SLC30A9: variants seen among roughly 807,000 people sequenced by gnomAD.
The protein encoded by SLC30A9 is proton-coupled zinc antiporter SLC30A9, mitochondrial.
In SLC30A9, 58 loss-of-function variants were observed where a neutral mutation model predicts 87.5. That is an observed-to-expected ratio of 0.66 (90% CI 0.54 to 0.82). The LOEUF is 0.82. Among genes scored for constraint, SLC30A9 ranks in the 40% least tolerant of loss-of-function variants. SLC30A9 has a pLI of 0.00. For synonymous variants in SLC30A9, 234 were observed against 233.0 expected (o/e 1.00, Z -0.04); for missense variants, 557 against 679.1 (o/e 0.82, Z 2.00).
Position 42,086,178 on chromosome 4 carries a change from T to C in SLC30A9, c.*52T>C. On this transcript the variant is annotated 3_prime_UTR_variant, in exon 18 of 18. Transcript: ENST00000264451. Reference sequence around the variant, plus strand: ...GGGACCTTGGAAACAAGTTTGTCCGTCCACTCTACAAAGTTTCCTCCTCTC... The same window carrying C: ...GGGACCTTGGAAACAAGTTTGTCCGCCCACTCTACAAAGTTTCCTCCTCTC... The C allele has an allele frequency of 8.4e-7, 1 of 1,190,732 alleles. No homozygotes were observed. The highest frequency in any genetic ancestry group is 1.2e-6 in the Non-Finnish European group (1 of 831,004). 73.8% of individuals were successfully genotyped at this position (1,190,732 alleles called of 1,614,324 possible). A position where few individuals can be genotyped will look rare whatever the true frequency, so the allele number is the denominator to read the frequency against.
chr4:42,068,491 C>A (rs1257343583), intron 14 of SLC30A9, among the ~76,000 whole-genome samples: 1 of 151,764 alleles, frequency 6.6e-6, no homozygotes, highest in Non-Finnish European at 1.5e-5. Context: ...GTGATCCTCC[C>A]ACCTTGGCCT....
At chr4:42,032,934 CTA>C (rs932459819) in intron 6 of SLC30A9, among the ~76,000 whole-genome samples, 3 of 152,050 alleles carry the variant, frequency 2.0e-5, no homozygotes, top group Admixed American at 2.0e-4. Flanking sequence ...TTGATTTATT[CTA>C]TGTCTCTACA....
chr4:42,038,854 C>G (rs1716798371), intron 7 of SLC30A9, 132 bp from the exon 8 acceptor site: 3 of 605,012 alleles, frequency 5.0e-6, no homozygotes, highest in East Asian at 5.5e-5. Flanking sequence ...ACAAGAACTT[C>G]TAGAGAAAAA....
rs149552770 is a variant in SLC30A9, at chr4:42,084,313, CTTGAT to C, written c.1663-1766_1663-1762del. Among the ~76,000 whole-genome samples, 876 of 152,212 alleles carry C rather than the reference CTTGAT, an allele frequency of 5.8e-3. 4 individuals carry two copies. Among genetic ancestry groups the C allele is most frequent in the African/African-American group, 0.02 (838 of 41,540 alleles). On this transcript the variant is annotated intron_variant, in intron 17 of 17. Coordinates refer to ENST00000264451, the MANE Select transcript of SLC30A9 (RefSeq NM_006345.4). ...TGCATAAAAGTCTTATACTACTTCT[CTTGAT>C]TTAACAGTATTTCCTCTACGATAGG...
intron 11 of SLC30A9, among the ~76,000 whole-genome samples, chr4:42,064,197 A>C (rs907614917): frequency 2.1e-4 from 32 of 152,136 alleles, no homozygotes; most frequent in Non-Finnish European, 4.1e-4. Flanking sequence ...TGGCCTCCTC[A>C]ATTTCAGCTC....
At chr4:42,085,827 C>T (rs1718904890) in intron 17 of SLC30A9, among the ~76,000 whole-genome samples, 2 of 151,870 alleles carry the variant, frequency 1.3e-5, no homozygotes, top group South Asian at 2.1e-4. Context: ...TTGGCATGTA[C>T]TAGATCCTTA....
chr4:42,027,063 C>A (rs1273567240), intron 6 of SLC30A9, among the ~76,000 whole-genome samples: 1 of 152,038 alleles, frequency 6.6e-6, no homozygotes, highest in African/African-American at 2.4e-5. Context: ...TAACTTTTGC[C>A]GGTGTTACGG....
At chr4:42,025,759 G>A (rs536227110) in intron 6 of SLC30A9, among the ~76,000 whole-genome samples, 38 of 151,958 alleles carry the variant, frequency 2.5e-4, no homozygotes, top group African/African-American at 8.7e-4. Context: ...TCTGCCTTCC[G>A]GGTTCATGCC....
intron 10 of SLC30A9, among the ~76,000 whole-genome samples, chr4:42,062,669 G>A (rs1387882444): frequency 6.6e-6 from 1 of 152,150 alleles, no homozygotes; most frequent in Non-Finnish European, 1.5e-5. Flanking sequence ...ACATCTGAAT[G>A]CATTTTTTAA....
At chr4:42,049,614 C>A in intron 9 of SLC30A9, 135 bp downstream of exon 9, 1 of 467,346 alleles carries the variant, frequency 2.1e-6, no homozygotes, top group Non-Finnish European at 3.8e-6. Context: ...TACTTTTCAG[C>A]AATGAAGTGC....
intron 15 of SLC30A9, among the ~76,000 whole-genome samples, chr4:42,074,607 TCTG>T (rs1718448431): frequency 6.6e-6 from 1 of 152,156 alleles, no homozygotes; most frequent in Non-Finnish European, 1.5e-5. Context: ...GGAGTCCTAA[TCTG>T]CTGTTTACTA....
chr4:42,020,085 C>T (rs1000815846), intron 3 of SLC30A9, among the ~76,000 whole-genome samples: 1 of 152,068 alleles, frequency 6.6e-6, no homozygotes, highest in African/African-American at 2.4e-5. Flanking sequence ...TTTATCAAAA[C>T]TTCAGTTCAT....
intron 4 of SLC30A9, among the ~76,000 whole-genome samples, chr4:42,022,223 C>A (rs146453191): frequency 5.3e-5 from 8 of 150,762 alleles, no homozygotes; most frequent in Non-Finnish European, 1.0e-4. Context: ...GTGTGAGCTA[C>A]CGCACCTTGC....
intron 6 of SLC30A9, among the ~76,000 whole-genome samples, chr4:42,024,538 G>A (rs569447590): frequency 3.3e-5 from 5 of 152,020 alleles, no homozygotes; most frequent in South Asian, 4.1e-4. Context: ...TTTTTTTAAC[G>A]TGAGATAATT....
At chr4:42,008,336 A>G (rs539940817) in intron 2 of SLC30A9, among the ~76,000 whole-genome samples, 4 of 152,350 alleles carry the variant, frequency 2.6e-5, no homozygotes, top group South Asian at 2.1e-4. Flanking sequence ...AATTTTTGGC[A>G]TAGGTAGCAC....
chr4:42,053,930 T>A lies in SLC30A9; in HGVS notation c.840+4451T>A, dbSNP rs188889464. On this transcript the variant is annotated intron_variant, in intron 9 of 17. Coordinates refer to ENST00000264451, the MANE Select transcript of SLC30A9 (RefSeq NM_006345.4). ...TTTAATTTTTAATAGTTTAAAAAAA[T>A]TGGGAAAAATGGTTGCGTCTGATGT... 2.8e-4 allele frequency among the ~76,000 whole-genome samples: 43 copies of A among 152,148 alleles called. No individual in the cohort carries two copies. The East Asian group carries it at 7.0e-3, about 25-fold the overall frequency.
chr4:42,079,382 C>T (rs1324236133), intron 17 of SLC30A9, among the ~76,000 whole-genome samples: 3 of 151,524 alleles, frequency 2.0e-5, no homozygotes, highest in Admixed American at 2.0e-4. Context: ...TAACCTCCGT[C>T]TCCTGGGTTC....
chr4:42,038,978 T>G lies in SLC30A9; in HGVS notation c.670-8T>G, dbSNP rs758538669. The stretch of plus-strand genomic sequence containing the variant: ...GAGGTATTAAAAAAAGTTTTTGTTT[T>G]TTTACAGCCACGCTCCAGAACAGCA... On this transcript the variant is annotated splice_polypyrimidine_tract_variant and splice_region_variant and intron_variant, in intron 7 of 17. Coordinates refer to ENST00000264451, the MANE Select transcript of SLC30A9 (RefSeq NM_006345.4). 1.9e-6 allele frequency: 3 copies of G among 1,612,570 alleles called. No homozygotes were observed. Among genetic ancestry groups the G allele is most frequent in the Admixed American group, 1.7e-5 (1 of 59,952 alleles).
intron 17 of SLC30A9, among the ~76,000 whole-genome samples, chr4:42,080,477 C>T (rs1157595312): frequency 6.6e-6 from 1 of 152,222 alleles, no homozygotes; most frequent in Non-Finnish European, 1.5e-5. Context: ...TATTACTCTC[C>T]TGGCAATGAA....
Sources: allele counts gnomAD v4.1 joint callset (sites outside exome capture counted in the v4.1 genomes callset), GRCh38; gene constraint gnomAD v4.1.1; transcripts MANE v1.5; gene names NCBI Gene and HGNC (gene_info 2026-07-23, HGNC 2026-07-21).